The following VWC2L variants were observed in gnomAD, a reference collection of about 807,000 sequenced individuals.
The protein encoded by VWC2L is von Willebrand factor C domain-containing protein 2-like.
VWC2L carries 10 observed loss-of-function variants against 21.6 expected under a neutral mutation model. The ratio of observed to expected loss-of-function variants is 0.46; its 90% CI spans 0.29 to 0.78. The LOEUF (loss-of-function observed/expected upper bound fraction) is 0.78, where lower values mean the gene tolerates loss of function less well. Among genes scored for constraint, VWC2L ranks in the 30% least tolerant of loss-of-function variants. The probability of loss-of-function intolerance (pLI) is 0.10; values close to 1 mark genes in which losing one functional copy is unlikely to be tolerated. For missense variants in VWC2L, 209 were observed against 277.1 expected (o/e 0.75, Z 1.74); for synonymous variants, 96 against 94.3 (o/e 1.02, Z -0.10).
At chr2:214,539,490 C>G (rs533445126) in intron 3 of VWC2L, among the ~76,000 whole-genome samples, 1 of 152,012 alleles carries the variant, frequency 6.6e-6, no homozygotes, top group Non-Finnish European at 1.5e-5. Context: ...AATAAGAGAC[C>G]TTTTAGGTCT....
chr2:214,520,943 A>G (rs60451259), intron 3 of VWC2L, among the ~76,000 whole-genome samples: 7,944 of 151,986 alleles, frequency 0.052, 671 homozygotes, highest in African/African-American at 0.18. Flanking sequence ...CCAAGTTTGG[A>G]CTGGGTGCAG....
intron 3 of VWC2L, among the ~76,000 whole-genome samples, chr2:214,530,093 A>G (rs1307439986): frequency 6.6e-6 from 1 of 152,210 alleles, no homozygotes; most frequent in Non-Finnish European, 1.5e-5. Context: ...ATAACTTACC[A>G]TATGAGAAAA....
chr2:214,417,727 T>A (rs1702378724), intron 2 of VWC2L, among the ~76,000 whole-genome samples: 1 of 152,098 alleles, frequency 6.6e-6, no homozygotes, highest in South Asian at 2.1e-4. Flanking sequence ...GGCCAAAATA[T>A]TTAGATTCAT....
At chr2:214,520,332 A>G (rs1689215947) in intron 3 of VWC2L, among the ~76,000 whole-genome samples, 1 of 152,150 alleles carries the variant, frequency 6.6e-6, no homozygotes, top group Admixed American at 6.5e-5. Context: ...GTAATCAATT[A>G]TTCTTTGAAA....
chr2:214,475,349 C>T (rs1241812493), intron 3 of VWC2L, among the ~76,000 whole-genome samples: 1 of 150,476 alleles, frequency 6.6e-6, no homozygotes, highest in East Asian at 2.0e-4. Context: ...AAATTCAAAC[C>T]AAAACATGCT....
chr2:214,417,286 G>A (rs1030574753), intron 2 of VWC2L, among the ~76,000 whole-genome samples: 2 of 152,088 alleles, frequency 1.3e-5, no homozygotes, highest in Admixed American at 6.6e-5. Flanking sequence ...ATTGAAAGTA[G>A]GATATCTAGA....
chr2:214,484,905 G>A (rs1404340718), intron 3 of VWC2L, among the ~76,000 whole-genome samples: 1 of 152,106 alleles, frequency 6.6e-6, no homozygotes, highest in Non-Finnish European at 1.5e-5. Flanking sequence ...TACCTTTTCT[G>A]AGCTCATCTG....
intron 3 of VWC2L, among the ~76,000 whole-genome samples, chr2:214,555,309 T>C (rs1689857579): frequency 6.6e-6 from 1 of 152,174 alleles, no homozygotes; most frequent in Non-Finnish European, 1.5e-5. Context: ...GTCTAATATG[T>C]ATAAAATCCA....
chr2:214,439,027 T>C (rs1702722136), intron 3 of VWC2L, among the ~76,000 whole-genome samples: 1 of 152,080 alleles, frequency 6.6e-6, no homozygotes, highest in African/African-American at 2.4e-5. Flanking sequence ...GATTGTAATG[T>C]AACATTATGA....
At chr2:214,527,373 C>T (rs1689358018) in intron 3 of VWC2L, among the ~76,000 whole-genome samples, 1 of 152,062 alleles carries the variant, frequency 6.6e-6, no homozygotes, top group African/African-American at 2.4e-5. Flanking sequence ...TAATCCTGCA[C>T]ATGTACCCCC....
intron 3 of VWC2L, among the ~76,000 whole-genome samples, chr2:214,564,693 T>C (rs979126400): frequency 1.3e-5 from 2 of 152,178 alleles, no homozygotes; most frequent in East Asian, 1.9e-4. Context: ...ATTTTAATAA[T>C]AGATTGTAAG....
chr2:214,461,938 G>C (rs1464461875), intron 3 of VWC2L, among the ~76,000 whole-genome samples: 1 of 152,230 alleles, frequency 6.6e-6, no homozygotes, highest in Admixed American at 6.5e-5. Flanking sequence ...CCAGTGAACT[G>C]CACTGCTCGT....
chr2:214,573,801 C>G (rs1192960078), intron 3 of VWC2L, among the ~76,000 whole-genome samples: 1 of 152,152 alleles, frequency 6.6e-6, no homozygotes, highest in African/African-American at 2.4e-5. Context: ...AATATTGTAG[C>G]CCTTAAATAA....
intron 3 of VWC2L, among the ~76,000 whole-genome samples, chr2:214,524,442 G>C (rs879585493): frequency 1.3e-5 from 2 of 152,130 alleles, no homozygotes; most frequent in Non-Finnish European, 1.5e-5. Context: ...TTCTCCCTTA[G>C]ATCTGATCTG....
intron 3 of VWC2L, among the ~76,000 whole-genome samples, chr2:214,569,812 A>G (rs1690123436): frequency 6.6e-6 from 1 of 152,288 alleles, no homozygotes; most frequent in Admixed American, 6.5e-5. Context: ...CCTTTAGAGC[A>G]CTTACTTCAG....
chr2:214,430,179 T>C (rs768403787), intron 2 of VWC2L, among the ~76,000 whole-genome samples: 2 of 150,736 alleles, frequency 1.3e-5, no homozygotes, highest in Non-Finnish European at 2.9e-5. Flanking sequence ...AATGTCACTG[T>C]TGTGTAGCAA....
chr2:214,536,338 G>C (rs557306762), intron 3 of VWC2L, among the ~76,000 whole-genome samples: 2 of 152,182 alleles, frequency 1.3e-5, no homozygotes, highest in Admixed American at 6.6e-5. Context: ...AGGTGGACCA[G>C]CAGAACCTTC....
At chr2:214,489,692 A>T (rs1310673928) in intron 3 of VWC2L, among the ~76,000 whole-genome samples, 1 of 152,176 alleles carries the variant, frequency 6.6e-6, no homozygotes, top group Non-Finnish European at 1.5e-5. Context: ...GAGACCACAA[A>T]TTAGGGCAAG....
At chr2:214,574,823 C>A (rs190991547) in intron 3 of VWC2L, among the ~76,000 whole-genome samples, 1 of 151,190 alleles carries the variant, frequency 6.6e-6, no homozygotes, top group Non-Finnish European at 1.5e-5. Context: ...GATATTCCTA[C>A]GTTGGGAAGG....
Sources: gnomAD v4.1 joint callset for allele counts (sites outside exome capture counted in the v4.1 genomes callset) on GRCh38, gnomAD v4.1.1 for gene constraint, MANE v1.5 for transcripts, NCBI Gene and HGNC (gene_info 2026-07-23, HGNC 2026-07-21) for gene names.